TEX26: variants seen among roughly 807,000 people sequenced by gnomAD.
The protein encoded by TEX26 is testis expressed 26, also known as testis-expressed protein 26.
In TEX26, 34 loss-of-function variants were observed where a neutral mutation model predicts 35.3. That is an observed-to-expected ratio of 0.96 (90% CI 0.73 to 1.28). TEX26 has a LOEUF of 1.28. Among genes scored for constraint, TEX26 ranks in the 50% most tolerant of loss-of-function variants. The pLI, the probability that TEX26 is intolerant of heterozygous loss-of-function variation, is 0.00. For missense variants in TEX26, 371 were observed against 330.1 expected, an observed-to-expected ratio of 1.12 and a Z score of -0.96; for synonymous variants, 136 against 111.8, an observed-to-expected ratio of 1.22 and a Z score of -1.36.
intron 4 of TEX26, among the ~76,000 whole-genome samples, chr13:30,958,109 A>G (rs961624225): frequency 1.3e-5 from 2 of 152,232 alleles, no homozygotes; most frequent in African/African-American, 4.8e-5. Flanking sequence ...AGATTCTCTC[A>G]TGCTTCACCT....
At position 30,965,484 on chromosome 13, in the gene TEX26, A is replaced by G. The variant is rs575579712; in HGVS notation, c.470-738A>G. Among the ~76,000 whole-genome samples the G allele has an allele frequency of 3.3e-5, 5 of 152,324 alleles. No individual in the cohort carries two copies. In the South Asian group the frequency reaches 1.0e-3, roughly 32 times the overall value. ...TTGACATCTTTGTCTTTCTGAATAA[A>G]GATGGTGTTACATGATATGCCTCTG... On this transcript the variant is annotated intron_variant, in intron 4 of 6. Transcript: ENST00000380473.
rs903152705 is a variant in TEX26, at chr13:30,939,576, T to C, written c.62-118T>C. The C allele has an allele frequency of 1.3e-5, 11 of 872,982 alleles. No homozygotes were observed. The African/African-American group carries it at 1.8e-4, about 15-fold the overall frequency. The allele number at this position is 872,982 out of a possible 1,614,324, so 54.1% of individuals were successfully genotyped here. ...ATTTTGGCCTTTATTCCTTAGACTCTAAAGATAAACCATCCAAAATGTTTT... is the reference window on the plus strand; with the variant it reads ...ATTTTGGCCTTTATTCCTTAGACTCCAAAGATAAACCATCCAAAATGTTTT... On this transcript the variant is annotated intron_variant, in intron 1 of 6. Transcript: ENST00000380473.
intron 2 of TEX26, among the ~76,000 whole-genome samples, chr13:30,947,430 C>T (rs1437387772): frequency 1.3e-5 from 2 of 152,096 alleles, no homozygotes; most frequent in Admixed American, 6.6e-5. Context: ...CAGTGTCACT[C>T]AGTACTCTGA....
chr13:30,965,610 C>T (rs1047221353), intron 4 of TEX26, among the ~76,000 whole-genome samples: 1 of 152,174 alleles, frequency 6.6e-6, no homozygotes, highest in Non-Finnish European at 1.5e-5. Flanking sequence ...ACACTGGCTT[C>T]AGTGCTTCAT....
intron 4 of TEX26, 109 bp downstream of exon 4, chr13:30,957,138 G>A: frequency 8.7e-7 from 1 of 1,153,964 alleles, no homozygotes; most frequent in Middle Eastern, 2.5e-4. Context: ...TGAAGTCTAG[G>A]CATGGAGACA....
intron 4 of TEX26, among the ~76,000 whole-genome samples, chr13:30,961,998 T>C (rs1954362205): frequency 6.6e-6 from 1 of 152,174 alleles, no homozygotes; most frequent in African/African-American, 2.4e-5. Flanking sequence ...CTCAGTTTCC[T>C]ATATTGGGTG....
At position 30,968,951 on chromosome 13, in the gene TEX26, G is replaced by C. The variant is rs1246090712; in HGVS notation, c.713G>C (p.Ser238Thr). ...EHTKKQTTYQ[S>T]DYDKTYPDFL... ...ACAAAGAAACAGACCACATACCAAA[G>C]TGACTACGACAAAACCTACCCAGAT... The change falls in exon 6 of 7, where the codon AGT becomes ACT. Residue 238 changes from serine to threonine, a missense_variant. Physicochemically the swap from Ser to Thr is moderately conservative, Grantham distance 58 (BLOSUM62 1). Coordinates refer to ENST00000380473, the MANE Select transcript of TEX26 (RefSeq NM_152325.3). The C allele has an allele frequency of 6.2e-7, 1 of 1,613,974 alleles. No individual in the cohort carries two copies. The highest frequency in any genetic ancestry group is 8.5e-7 in the Non-Finnish European group (1 of 1,179,986).
At chr13:30,958,593 G>A (rs1954222938) in intron 4 of TEX26, among the ~76,000 whole-genome samples, 1 of 152,156 alleles carries the variant, frequency 6.6e-6, no homozygotes, top group Non-Finnish European at 1.5e-5. Flanking sequence ...CTCAAGGTCT[G>A]GGTGTCTCCA....
chr13:30,936,668 C>T, intron 1 of TEX26: 4 of 985,344 alleles, frequency 4.1e-6, no homozygotes, highest in Non-Finnish European at 4.8e-6. Context: ...TCTCCAAGGC[C>T]AGGTCAAGAC....
At chr13:30,960,538 C>G (rs1451102278) in intron 4 of TEX26, among the ~76,000 whole-genome samples, 3 of 152,156 alleles carry the variant, frequency 2.0e-5, no homozygotes, top group African/African-American at 7.2e-5. Context: ...AGCCACCATG[C>G]CTGGCTGAAA....
chr13:30,956,755 T>C, intron 3 of TEX26, 118 bp from the exon 4 acceptor site: 1 of 898,236 alleles, frequency 1.1e-6, no homozygotes, highest in Non-Finnish European at 1.7e-6. Context: ...TCCATGCACC[T>C]GCAGTGGCAG....
chr13:30,934,287 T>C (rs11840534), intron 1 of TEX26, among the ~76,000 whole-genome samples: 4,623 of 152,256 alleles, frequency 0.03, 145 homozygotes, highest in African/African-American at 0.079. Flanking sequence ...GCCACTTCAT[T>C]CCCCACTGCT....
At chr13:30,941,812 A>G (rs1285879636) in intron 2 of TEX26, among the ~76,000 whole-genome samples, 2 of 152,074 alleles carry the variant, frequency 1.3e-5, no homozygotes, top group Non-Finnish European at 1.5e-5. Flanking sequence ...AGCTCCATCC[A>G]AGTTGCTGCG....
intron 4 of TEX26, among the ~76,000 whole-genome samples, chr13:30,957,703 G>A (rs891615336): frequency 6.6e-6 from 1 of 151,954 alleles, no homozygotes; most frequent in Non-Finnish European, 1.5e-5. Flanking sequence ...TCTGCAAGGT[G>A]GTGGCATGGG....
At chr13:30,967,928 G>T (rs1039511398) in intron 5 of TEX26, among the ~76,000 whole-genome samples, 2 of 152,142 alleles carry the variant, frequency 1.3e-5, no homozygotes, top group African/African-American at 4.8e-5. Context: ...AGATGCCTAG[G>T]TCCCTGGAAG....
intron 1 of TEX26, among the ~76,000 whole-genome samples, chr13:30,937,128 A>G (rs888350970): frequency 2.0e-5 from 3 of 152,152 alleles, no homozygotes; most frequent in East Asian, 3.9e-4. Context: ...AAAGGTAACA[A>G]TGGAAGAGGG....
chr13:30,937,214 T>G (rs1953304483), intron 1 of TEX26, among the ~76,000 whole-genome samples: 1 of 152,130 alleles, frequency 6.6e-6, no homozygotes, highest in African/African-American at 2.4e-5. Flanking sequence ...TCCAGGCACC[T>G]GGCAATTGGT....
In TEX26 at chr13:30,952,834, A is replaced by G. The variant is rs1036642237; in HGVS notation, c.312+9A>G. ...AATCTCATCTCAATGAAGTAAGATAATATCTACATATGTGTTGAATTTAAT... is the reference window on the plus strand; with the variant it reads ...AATCTCATCTCAATGAAGTAAGATAGTATCTACATATGTGTTGAATTTAAT... On this transcript the variant is annotated intron_variant, in intron 3 of 6. Coordinates refer to ENST00000380473, the MANE Select transcript of TEX26 (RefSeq NM_152325.3). 2 of 1,609,674 alleles carry G rather than the reference A, an allele frequency of 1.2e-6. No individual in the cohort carries two copies. Among genetic ancestry groups the G allele is most frequent in the East Asian group, 2.2e-5 (1 of 44,688 alleles).
chr13:30,969,506 T>C (rs1290484988), intron 6 of TEX26, among the ~76,000 whole-genome samples: 2 of 152,244 alleles, frequency 1.3e-5, no homozygotes, highest in African/African-American at 4.8e-5. Flanking sequence ...CAAATGCCAT[T>C]GATGTGGCTT....
Sources: allele counts gnomAD v4.1 joint callset (sites outside exome capture counted in the v4.1 genomes callset), GRCh38; gene constraint gnomAD v4.1.1; transcripts MANE v1.5; gene names NCBI Gene and HGNC (gene_info 2026-07-23, HGNC 2026-07-21).